ABHD6: variants seen among roughly 807,000 people sequenced by gnomAD.
ABHD6 encodes abhydrolase domain containing 6, acylglycerol lipase.
ABHD6 carries 33 observed loss-of-function variants against 38.8 expected under a neutral mutation model. That is an observed-to-expected ratio of 0.85 (90% CI 0.64 to 1.14). The LOEUF (loss-of-function observed/expected upper bound fraction) is 1.14. Ranked by LOEUF, ABHD6 falls within the 50% of genes most tolerant of loss-of-function variation. ABHD6 has a pLI of 0.00. For synonymous variants in ABHD6, 147 were observed against 161.6 expected (o/e 0.91, Z 0.69); for missense variants, 380 against 422.6 (o/e 0.90, Z 0.88).
At chr3:58,247,275 A>G (rs1292910980) in intron 1 of ABHD6, among the ~76,000 whole-genome samples, 1 of 152,098 alleles carries the variant, frequency 6.6e-6, no homozygotes, top group African/African-American at 2.4e-5. Flanking sequence ...AGGTGCTGGG[A>G]TTACAGGTGT....
chr3:58,256,744 T>C lies in ABHD6; in HGVS notation c.119+39T>C, dbSNP rs2097433646. 1 of 1,451,396 alleles carries C rather than the reference T, an allele frequency of 6.9e-7. No individual in the cohort carries two copies. The highest frequency in any genetic ancestry group is 1.7e-5 in the Admixed American group (1 of 57,908). The allele number at this position is 1,451,396 out of a possible 1,614,324, so 89.9% of individuals were successfully genotyped here. A position where few individuals can be genotyped will look rare whatever the true frequency, so the allele number is the denominator to read the frequency against. On this transcript the variant is annotated intron_variant, in intron 3 of 9. Transcript: ENST00000478253. This position sits in a 1 kb window ranked among gnomAD's most constrained non-coding sequence, Gnocchi z 4.3. ...ATCATTGATGTTTTCAAGAGTATCA[T>C]AATATTGACATCTTCTCTGCTTGTC...
intron 7 of ABHD6, among the ~76,000 whole-genome samples, chr3:58,280,762 A>G (rs984958202): frequency 3.9e-5 from 6 of 152,188 alleles, no homozygotes; most frequent in African/African-American, 1.2e-4. Flanking sequence ...TTGGTGACCT[A>G]CAGATGGGAT....
intron 5 of ABHD6, 35 bp from the exon 6 acceptor site, chr3:58,270,897 G>A (rs768846214): frequency 7.0e-6 from 11 of 1,578,208 alleles, no homozygotes; most frequent in South Asian, 1.2e-5. Context: ...GTCTACAGCT[G>A]TATAACCAAG....
chr3:58,242,906 G>A (rs2097423804), intron 1 of ABHD6, among the ~76,000 whole-genome samples: 1 of 151,804 alleles, frequency 6.6e-6, no homozygotes, highest in African/African-American at 2.4e-5. Context: ...GGTGTGTAAT[G>A]TTCCCCACCC....
In ABHD6 at chr3:58,289,875, C is replaced by T. The variant is rs1164079823; in HGVS notation, c.838-3714C>T. Among the ~76,000 whole-genome samples, 65 of 134,294 alleles carry T rather than the reference C, an allele frequency of 4.8e-4. 3 individuals carry two copies. Among genetic ancestry groups the T allele is most frequent in the African/African-American group, 1.7e-3 (55 of 32,192 alleles). The allele number at this position is 134,294 out of a possible 152,430, so 88.1% of individuals were successfully genotyped here. On this transcript the variant is annotated intron_variant, in intron 9 of 9. Coordinates refer to ENST00000478253, the MANE Select transcript of ABHD6 (RefSeq NM_001320126.2). ...TGGCCGGGTAGGGGGCTGACCCCCC[C>T]ACCTCCCTCCCGGACGGGGTGGCTG... is the stretch of plus-strand genomic sequence containing the variant.
chr3:58,256,843 C>A lies in ABHD6; in HGVS notation c.119+138C>A. On this transcript the variant is annotated intron_variant, in intron 3 of 9. Transcript: ENST00000478253. This position sits in a 1 kb window ranked among gnomAD's most constrained non-coding sequence, Gnocchi z 4.3. Reference sequence around the variant, plus strand: ...AGAGAAAAGTTGAAAGGTACTCATCCTGTTTGGAATTTTGGGAATGCTCTT... The same window carrying A: ...AGAGAAAAGTTGAAAGGTACTCATCATGTTTGGAATTTTGGGAATGCTCTT... 1.4e-6 allele frequency: 1 copy of A among 721,624 alleles called. No individual in the cohort carries two copies. The highest frequency in any genetic ancestry group is 2.3e-6 in the Non-Finnish European group (1 of 428,014). The allele number at this position is 721,624 out of a possible 1,614,324, so 44.7% of individuals were successfully genotyped here. A position where few individuals can be genotyped will look rare whatever the true frequency, so the allele number is the denominator to read the frequency against.
At chr3:58,241,462 G>A (rs2097422763) in intron 1 of ABHD6, among the ~76,000 whole-genome samples, 1 of 152,188 alleles carries the variant, frequency 6.6e-6, no homozygotes, top group Non-Finnish European at 1.5e-5. Flanking sequence ...CAGCACTCAG[G>A]AGGTGTGGGC....
intron 3 of ABHD6, among the ~76,000 whole-genome samples, chr3:58,264,384 A>AACGC (rs2097439238): frequency 1.1e-5 from 1 of 91,880 alleles, no homozygotes; most frequent in Non-Finnish European, 2.3e-5. Context: ...TGGTTATATA[A>AACGC]ACGCACACAC....
At chr3:58,253,764 C>A (rs1478818340) in intron 2 of ABHD6, among the ~76,000 whole-genome samples, 1 of 152,162 alleles carries the variant, frequency 6.6e-6, no homozygotes, top group Non-Finnish European at 1.5e-5. Context: ...TTTCAGTGTG[C>A]TGGGAAAATT....
rs563215727 is a variant in ABHD6, at chr3:58,292,917, A to T, written c.838-672A>T. ...GGCGAAAGAGTGAAACTCCTTTTCA[A>T]CAAATAAAGAGATACCCCCAGCTTG... On this transcript the variant is annotated intron_variant, in intron 9 of 9. Coordinates refer to ENST00000478253, the MANE Select transcript of ABHD6 (RefSeq NM_001320126.2). 3.9e-5 allele frequency among the ~76,000 whole-genome samples: 6 copies of T among 152,296 alleles called. No homozygotes were observed. The East Asian group carries it at 9.7e-4, about 25-fold the overall frequency.
chr3:58,290,288 CG>C (rs2097461177), intron 9 of ABHD6, among the ~76,000 whole-genome samples: 1 of 121,158 alleles, frequency 8.3e-6, no homozygotes, highest in African/African-American at 3.1e-5. Flanking sequence ...GCTGGCCGGG[CG>C]GGGGGCTGAC....
At chr3:58,286,872 A>ATATATATATATATATATG (rs1559784535) in intron 9 of ABHD6, among the ~76,000 whole-genome samples, 4 of 133,836 alleles carry the variant, frequency 3.0e-5, no homozygotes, top group Admixed American at 7.8e-5. Context: ...ATATATATGT[A>ATATATATATATATATATG]TATGTATATA....
In ABHD6 at chr3:58,256,096, C is replaced by CACACAGACAG. The variant is rs1553718604; in HGVS notation, c.-25-461_-25-460insGACAGACACA. On this transcript the variant is annotated intron_variant, in intron 2 of 9. Transcript: ENST00000478253. The surrounding 1 kb of genome is among the most constrained non-coding windows in gnomAD (Gnocchi z 4.3). The stretch of plus-strand genomic sequence containing the variant: ...CCACCAACACACACACACACACACA[C>CACACAGACAG]ACACACACACACATACACACACTAC... Among the ~76,000 whole-genome samples the CACACAGACAG allele has an allele frequency of 6.8e-6, 1 of 147,438 alleles. No homozygotes were observed. The highest frequency in any genetic ancestry group is 2.5e-5 in the African/African-American group (1 of 40,488).
chr3:58,270,862 C>T, intron 5 of ABHD6, 70 bp from the exon 6 acceptor site: 1 of 1,487,500 alleles, frequency 6.7e-7, no homozygotes, highest in Non-Finnish European at 9.0e-7. Flanking sequence ...CAGGGGGCTT[C>T]TATGCTGTAG....
At chr3:58,239,969 G>T (rs1275689229) in intron 1 of ABHD6, among the ~76,000 whole-genome samples, 2 of 150,106 alleles carry the variant, frequency 1.3e-5, no homozygotes, top group Admixed American at 1.3e-4. Flanking sequence ...GGGCAACATG[G>T]TGAAACCCCA....
intron 9 of ABHD6, among the ~76,000 whole-genome samples, chr3:58,289,566 C>G (rs2097460038): frequency 6.6e-6 from 1 of 152,050 alleles, no homozygotes; most frequent in South Asian, 2.1e-4. Context: ...GGTCACAGAT[C>G]AACAGGATCC....
At chr3:58,291,574 A>C (rs2097463031) in intron 9 of ABHD6, among the ~76,000 whole-genome samples, 1 of 152,074 alleles carries the variant, frequency 6.6e-6, no homozygotes, top group Non-Finnish European at 1.5e-5. Flanking sequence ...AAAGTTTTTG[A>C]CCATTTATAT....
Position 58,293,792 on chromosome 3 carries a change from A to G in ABHD6, c.*27A>G. 2 of 1,608,632 alleles carry G rather than the reference A, an allele frequency of 1.2e-6. No individual in the cohort carries two copies. The highest frequency in any genetic ancestry group is 1.7e-6 in the Non-Finnish European group (2 of 1,176,410). On this transcript the variant is annotated 3_prime_UTR_variant, in exon 10 of 10. Transcript: ENST00000478253. The surrounding 1 kb of genome is among the most constrained non-coding windows in gnomAD (Gnocchi z 4.4). ...GCCCCGACTGCAGCCTGCATTCTGCACACAGCATCTGCTCCCATCCCCCAA... is the reference window on the plus strand; with the variant it reads ...GCCCCGACTGCAGCCTGCATTCTGCGCACAGCATCTGCTCCCATCCCCCAA...
At chr3:58,264,827 G>T (rs7614110) in intron 3 of ABHD6, among the ~76,000 whole-genome samples, 17,602 of 151,990 alleles carry the variant, frequency 0.12, 1,292 homozygotes, top group African/African-American at 0.2. Flanking sequence ...TTTGATACAG[G>T]TATGCCATGT....
Sources: allele counts gnomAD v4.1 joint callset (sites outside exome capture counted in the v4.1 genomes callset), GRCh38; gene constraint gnomAD v4.1.1; non-coding constraint Gnocchi (gnomAD v3.1); transcripts MANE v1.5; gene names NCBI Gene and HGNC (gene_info 2026-07-23, HGNC 2026-07-21).